UNC5A: variants seen among roughly 807,000 people sequenced by gnomAD.
UNC5A encodes netrin receptor UNC5A.
In UNC5A, 20 loss-of-function variants were observed where a neutral mutation model predicts 87.4. The ratio of observed to expected loss-of-function variants is 0.23; its 90% CI spans 0.16 to 0.33. The LOEUF (loss-of-function observed/expected upper bound fraction) is 0.33, where lower values mean the gene tolerates loss of function less well. Ranked by LOEUF, UNC5A falls within the 10% of genes least tolerant of loss-of-function variation. The probability of loss-of-function intolerance (pLI) is 1.00; values close to 1 mark genes in which losing one functional copy is unlikely to be tolerated. For synonymous variants in UNC5A, 438 were observed against 482.3 expected (o/e 0.91, Z 1.20); for missense variants, 844 against 1,133.4 (o/e 0.74, Z 3.67).
At position 176,865,117 on chromosome 5, in the gene UNC5A, G is replaced by A. The variant is rs1395735162; in HGVS notation, c.292+2272G>A. On this transcript the variant is annotated intron_variant, in intron 2 of 14. Coordinates refer to ENST00000329542, the MANE Select transcript of UNC5A (RefSeq NM_133369.3). The surrounding 1 kb of genome is among the most constrained non-coding windows in gnomAD (Gnocchi z 5.3). ...CACGTGCCCAGTCAGGACCCAGCACGGGGCCTTTCCTTTCTCCCCACCCCA... is the reference window on the plus strand; with the variant it reads ...CACGTGCCCAGTCAGGACCCAGCACAGGGCCTTTCCTTTCTCCCCACCCCA... The A allele has an allele frequency of 1.2e-5, 4 of 321,962 alleles. No individual in the cohort carries two copies. The highest frequency in any genetic ancestry group is 4.6e-5 in the South Asian group (2 of 43,154). The allele number at this position is 321,962 out of a possible 1,614,324, so 19.9% of individuals were successfully genotyped here.
chr5:176,817,577 T>TCCCCACCCCCCCCCC (rs1265310795), intron 1 of UNC5A, among the ~76,000 whole-genome samples: 3 of 59,190 alleles, frequency 5.1e-5, no homozygotes, highest in African/African-American at 1.8e-4. Flanking sequence ...ACCCCGCCCC[T>TCCCCACCCCCCCCCC]CCCCACCCCC....
At chr5:176,819,605 C>CG (rs1365937703) in intron 1 of UNC5A, among the ~76,000 whole-genome samples, 2 of 152,178 alleles carry the variant, frequency 1.3e-5, no homozygotes, top group Non-Finnish European at 2.9e-5. Context: ...AGGCTCCGCA[C>CG]GGGATAGGGG....
intron 1 of UNC5A, among the ~76,000 whole-genome samples, chr5:176,860,301 C>T (rs1294614902): frequency 1.3e-5 from 2 of 152,240 alleles, no homozygotes; most frequent in Admixed American, 6.5e-5. Flanking sequence ...CTAGGGTCCT[C>T]CCAAATGCTG....
At chr5:176,846,011 T>C (rs367675468) in intron 1 of UNC5A, among the ~76,000 whole-genome samples, 11 of 151,722 alleles carry the variant, frequency 7.3e-5, no homozygotes, top group African/African-American at 2.7e-4. Context: ...GAAAAGGAGG[T>C]GGAAGGCCCA....
In UNC5A at chr5:176,869,831, T is replaced by C; in HGVS notation, c.722-539T>C. The C allele has an allele frequency of 1.7e-6, 1 of 576,576 alleles. No homozygotes were observed. Among genetic ancestry groups the C allele is most frequent in the Non-Finnish European group, 3.1e-6 (1 of 320,706 alleles). 35.7% of individuals were successfully genotyped at this position (576,576 alleles called of 1,614,324 possible). ...ATCGTTCCTCACCACGCCATCTCCG[T>C]GCCCTGGCTCCATCGCGCCCACCAG... On this transcript the variant is annotated intron_variant, in intron 5 of 14. Coordinates refer to ENST00000329542, the MANE Select transcript of UNC5A (RefSeq NM_133369.3). This position sits in a 1 kb window ranked among gnomAD's most constrained non-coding sequence, Gnocchi z 9.1.
chr5:176,849,613 C>G (rs1167434334), intron 1 of UNC5A, among the ~76,000 whole-genome samples: 1 of 152,158 alleles, frequency 6.6e-6, no homozygotes, highest in Non-Finnish European at 1.5e-5. Context: ...ATCTGGCCTG[C>G]CCCCTTGGAT....
intron 1 of UNC5A, among the ~76,000 whole-genome samples, chr5:176,854,029 G>A (rs1437442634): frequency 6.6e-6 from 1 of 152,244 alleles, no homozygotes; most frequent in Non-Finnish European, 1.5e-5. Flanking sequence ...GGCCAGGGAA[G>A]CAGCTGGCAG....
At chr5:176,845,455 C>G (rs1757381767) in intron 1 of UNC5A, among the ~76,000 whole-genome samples, 2 of 152,258 alleles carry the variant, frequency 1.3e-5, no homozygotes, top group East Asian at 3.8e-4. Flanking sequence ...CCTGCCCGTT[C>G]CCCGAGGCCC....
intron 6 of UNC5A, among the ~76,000 whole-genome samples, chr5:176,873,537 G>C (rs899585445): frequency 6.6e-6 from 1 of 152,150 alleles, no homozygotes; most frequent in Non-Finnish European, 1.5e-5. Flanking sequence ...CCTGCTCCTG[G>C]TCTAGGCACT....
intron 1 of UNC5A, among the ~76,000 whole-genome samples, chr5:176,823,572 C>T (rs1356586421): frequency 6.6e-6 from 1 of 152,012 alleles, no homozygotes; most frequent in Non-Finnish European, 1.5e-5. Context: ...TTCTGTGAAG[C>T]CCTACGGGGT....
intron 6 of UNC5A, among the ~76,000 whole-genome samples, chr5:176,872,176 C>T (rs1299977543): frequency 2.2e-5 from 2 of 91,800 alleles, no homozygotes; most frequent in Non-Finnish European, 4.5e-5. Flanking sequence ...TGCCCACACT[C>T]GCCCCACACC....
rs558492862 is a variant in UNC5A at position 176,824,946 on chromosome 5, C to T, written c.70+14126C>T. Among the ~76,000 whole-genome samples, 11 of 152,342 alleles carry T rather than the reference C, an allele frequency of 7.2e-5. No homozygotes were observed. The highest frequency in any genetic ancestry group is 2.6e-4 in the African/African-American group (11 of 41,578). ...GCACACCAAGGCTGCGTCTCCCCAC[C>T]CTGTGCACAGTGCTTGGTGGGTGTC... On this transcript the variant is annotated intron_variant, in intron 1 of 14. Transcript: ENST00000329542. The surrounding 1 kb of genome is among the most constrained non-coding windows in gnomAD (Gnocchi z 4.2).
At chr5:176,830,598 A>G (rs1396543955) in intron 1 of UNC5A, among the ~76,000 whole-genome samples, 4 of 93,580 alleles carry the variant, frequency 4.3e-5, no homozygotes, top group Admixed American at 1.2e-4. Context: ...TGGTGTGTGC[A>G]TGCTGGTGTG....
rs139330262 is a variant in UNC5A at position 176,852,877 on chromosome 5, C to T, written c.71-9747C>T. On this transcript the variant is annotated intron_variant, in intron 1 of 14. Coordinates refer to ENST00000329542, the MANE Select transcript of UNC5A (RefSeq NM_133369.3). ...TAGGCCCTGTGCCTGGTGCTGGGAC[C>T]GGTGGCAAGACAGATGTGGTCCTGC... Among the ~76,000 whole-genome samples the T allele has an allele frequency of 1.3e-3, 196 of 152,322 alleles. 4 individuals are homozygous for T. In the East Asian group the frequency reaches 0.02, roughly 15 times the overall value.
intron 1 of UNC5A, among the ~76,000 whole-genome samples, chr5:176,835,479 A>G (rs1476255114): frequency 1.3e-5 from 2 of 152,108 alleles, no homozygotes; most frequent in East Asian, 1.9e-4. Context: ...TTCCTTCCCA[A>G]CAGTTCCAGA....
In UNC5A at chr5:176,870,546, C is replaced by A; in HGVS notation, c.886+12C>A. Reference sequence around the variant, plus strand: ...CCTCTGTGTACACAGTGAGTCCTCTCTGCCCTGAGGTCCTCTTCTGTTTGC... The same window carrying A: ...CCTCTGTGTACACAGTGAGTCCTCTATGCCCTGAGGTCCTCTTCTGTTTGC... On this transcript the variant is annotated intron_variant, in intron 6 of 14. Coordinates refer to ENST00000329542, the MANE Select transcript of UNC5A (RefSeq NM_133369.3). 1 of 1,570,818 alleles carries A rather than the reference C, an allele frequency of 6.4e-7. No homozygotes were observed. Among genetic ancestry groups the A allele is most frequent in the Non-Finnish European group, 8.7e-7 (1 of 1,152,310 alleles).
rs148900887 is a variant in UNC5A, at chr5:176,879,442, C to T, written c.2317C>T (p.Arg773Trp). 1.4e-3 allele frequency: 2,270 copies of T among 1,611,268 alleles called. 2 individuals carry two copies. Among genetic ancestry groups the T allele is most frequent in the Non-Finnish European group, 1.8e-3 (2,158 of 1,179,086 alleles). ...IISSLDPPCR[R>W]GADWRTLAQK... ...TTCCAGCCTGGACCCACCCTGTAGG[C>T]GGGGTGCCGACTGGCGGACTCTGGC... Residue 773 changes from arginine to tryptophan, a missense_variant, in exon 14 of 15, where the codon CGG becomes TGG. Transcript: ENST00000329542.
Position 176,874,854 on chromosome 5 carries a change from C to T in UNC5A, c.1378+288C>T, listed in dbSNP as rs910887201. On this transcript the variant is annotated intron_variant, in intron 8 of 14. Transcript: ENST00000329542. This position sits in a 1 kb window ranked among gnomAD's most constrained non-coding sequence, Gnocchi z 7.6. ...CTGGGCCCAGAGGTAGGGCAAGCCC[C>T]GGCCCCAAGGAGCTTGCAACTGAGC... Among the ~76,000 whole-genome samples the T allele has an allele frequency of 6.6e-6, 1 of 152,202 alleles. No homozygotes were observed. Among genetic ancestry groups the T allele is most frequent in the African/African-American group, 2.4e-5 (1 of 41,436 alleles).
Position 176,868,878 on chromosome 5 carries a change from G to A in UNC5A, c.635G>A (p.Arg212His), listed in dbSNP as rs767490058. The change falls in exon 5 of 15, where the codon CGC becomes CAC. Residue 212 changes from arginine (R) to histidine (H), a missense_variant. Coordinates refer to ENST00000329542, the MANE Select transcript of UNC5A (RefSeq NM_133369.3). Reference protein sequence around the residue: ...REHSLVVRQARLADTANYTCV... With the variant: ...REHSLVVRQAHLADTANYTCV... ...CACAGCCTGGTGGTGCGACAGGCCC[G>A]CCTTGCTGACACGGCCAACTACACC... is the stretch of plus-strand genomic sequence containing the variant. 3 of 1,612,856 alleles carry A rather than the reference G, an allele frequency of 1.9e-6. No individual in the cohort carries two copies. Among genetic ancestry groups the A allele is most frequent in the Admixed American group, 1.7e-5 (1 of 60,010 alleles).
Sources: allele counts gnomAD v4.1 joint callset (sites outside exome capture counted in the v4.1 genomes callset), GRCh38; gene constraint gnomAD v4.1.1; non-coding constraint Gnocchi (gnomAD v3.1); transcripts MANE v1.5; gene names NCBI Gene and HGNC (gene_info 2026-07-23, HGNC 2026-07-21).